CACNA1E: variants seen among roughly 807,000 people sequenced by gnomAD.
The protein encoded by CACNA1E is voltage-dependent R-type calcium channel subunit alpha-1E.
CACNA1E carries 40 observed loss-of-function variants against 259.2 expected under a neutral mutation model. The observed-to-expected ratio is 0.15, with a 90% CI of 0.12 to 0.20. The LOEUF (loss-of-function observed/expected upper bound fraction) is 0.20, where lower values mean the gene tolerates loss of function less well. Among genes scored for constraint, CACNA1E ranks in the 10% least tolerant of loss-of-function variants. The pLI is 1.00. For synonymous variants in CACNA1E, 1,104 were observed against 1,138.5 expected, an observed-to-expected ratio of 0.97 and a Z score of 0.61; for missense variants, 1,874 against 3,040.1, an observed-to-expected ratio of 0.62 and a Z score of 9.02.
chr1:181,762,984 G>C (rs1430377575), intron 33 of CACNA1E, among the ~76,000 whole-genome samples: 1 of 152,194 alleles, frequency 6.6e-6, no homozygotes, highest in Non-Finnish European at 1.5e-5. Context: ...TGCCCTCAAA[G>C]TTCACAGACC....
At chr1:181,610,296 C>G (rs897779373) in intron 6 of CACNA1E, among the ~76,000 whole-genome samples, 2 of 152,160 alleles carry the variant, frequency 1.3e-5, no homozygotes, top group Non-Finnish European at 2.9e-5. Context: ...ATTCCCATCC[C>G]AATAATAAAC....
intron 8 of CACNA1E, among the ~76,000 whole-genome samples, chr1:181,714,479 C>T (rs12737522): frequency 0.013 from 2,016 of 152,158 alleles, 17 homozygotes; most frequent in Non-Finnish European, 0.018. Context: ...TAGGCATGCT[C>T]GATTAAACCA....
intron 2 of CACNA1E, among the ~76,000 whole-genome samples, chr1:181,422,424 G>A (rs994231156): frequency 3.9e-5 from 6 of 152,304 alleles, no homozygotes; most frequent in Admixed American, 6.5e-5. Flanking sequence ...CATACCAAAC[G>A]GTCTAGTCCA....
At chr1:181,721,942 G>T (rs1558306500) in intron 16 of CACNA1E, 67 bp downstream of exon 16, 2 of 1,000,304 alleles carry the variant, frequency 2.0e-6, no homozygotes, top group South Asian at 2.6e-5. Context: ...AGGAGGCATT[G>T]GTGGTGGTGG....
chr1:181,360,395 A>G (rs980243678), intron 1 of CACNA1E, among the ~76,000 whole-genome samples: 4 of 152,260 alleles, frequency 2.6e-5, no homozygotes, highest in East Asian at 1.9e-4. Flanking sequence ...TCATATCCAT[A>G]CAAAGAATTT....
intron 6 of CACNA1E, among the ~76,000 whole-genome samples, chr1:181,590,802 A>G (rs1231510719): frequency 7.6e-6 from 1 of 130,816 alleles, no homozygotes; most frequent in African/African-American, 2.8e-5. Flanking sequence ...TCCCCAAGCC[A>G]TGGCCTTCAC....
At chr1:181,397,738 C>G (rs532780683) in intron 1 of CACNA1E, among the ~76,000 whole-genome samples, 2 of 152,218 alleles carry the variant, frequency 1.3e-5, no homozygotes, top group African/African-American at 4.8e-5. Context: ...CCCCTCATCC[C>G]GTCTTGTCCT....
At chr1:181,350,706 C>T (rs999070597) in intron 1 of CACNA1E, among the ~76,000 whole-genome samples, 3 of 152,120 alleles carry the variant, frequency 2.0e-5, no homozygotes, top group Non-Finnish European at 4.4e-5. Flanking sequence ...TCAACAGAGT[C>T]GTGGCCCCAT....
intron 1 of CACNA1E, among the ~76,000 whole-genome samples, chr1:181,383,144 G>A (rs1210219632): frequency 6.6e-6 from 1 of 152,152 alleles, no homozygotes; most frequent in Non-Finnish European, 1.5e-5. Flanking sequence ...TCATTCCTTT[G>A]AACTTCCCCA....
chr1:181,533,143 C>T (rs147151228), intron 3 of CACNA1E, among the ~76,000 whole-genome samples: 199 of 151,912 alleles, frequency 1.3e-3, no homozygotes, highest in Non-Finnish European at 2.6e-3. Flanking sequence ...GGAATCGAGA[C>T]AGAGACAGGA....
At chr1:181,587,451 T>C (rs1212015059) in intron 6 of CACNA1E, among the ~76,000 whole-genome samples, 1 of 152,134 alleles carries the variant, frequency 6.6e-6, no homozygotes, top group Admixed American at 6.5e-5. Flanking sequence ...GTTTTGCCAG[T>C]TGAGCACAAT....
At chr1:181,323,210 C>T (rs1650506518) in intron 1 of CACNA1E, among the ~76,000 whole-genome samples, 1 of 152,096 alleles carries the variant, frequency 6.6e-6, no homozygotes, top group Non-Finnish European at 1.5e-5. Flanking sequence ...GTGCTTTTTC[C>T]AGAAGGAATG....
At chr1:181,593,359 T>C (rs1232100133) in intron 6 of CACNA1E, among the ~76,000 whole-genome samples, 1 of 152,228 alleles carries the variant, frequency 6.6e-6, no homozygotes, top group Non-Finnish European at 1.5e-5. Flanking sequence ...TTCTGTGTTG[T>C]GAGCGTGCTC....
chr1:181,791,169 A>G (rs1005525739), intron 44 of CACNA1E, among the ~76,000 whole-genome samples: 7 of 152,240 alleles, frequency 4.6e-5, no homozygotes, highest in East Asian at 1.9e-4. Context: ...TGAGTTTATT[A>G]GCATAAATGG....
intron 3 of CACNA1E, among the ~76,000 whole-genome samples, chr1:181,513,072 TAA>T (rs1252081350): frequency 1.3e-5 from 2 of 152,218 alleles, no homozygotes; most frequent in South Asian, 4.1e-4. Flanking sequence ...GTGTATATAA[TAA>T]GTTTGTGTAA....
intron 7 of CACNA1E, among the ~76,000 whole-genome samples, chr1:181,682,602 A>G (rs1650088470): frequency 1.3e-5 from 2 of 152,194 alleles, no homozygotes; most frequent in Non-Finnish European, 2.9e-5. Context: ...TGTAGAAAAG[A>G]GGTTTAATTG....
intron 7 of CACNA1E, among the ~76,000 whole-genome samples, chr1:181,685,442 T>A (rs1392639428): frequency 6.6e-6 from 1 of 152,118 alleles, no homozygotes; most frequent in Non-Finnish European, 1.5e-5. Context: ...CCAGTAACAG[T>A]TTCATTGCAC....
At chr1:181,574,213 G>C (rs2102951128) in intron 3 of CACNA1E, among the ~76,000 whole-genome samples, 1 of 152,236 alleles carries the variant, frequency 6.6e-6, no homozygotes. Flanking sequence ...CGGGTTGATA[G>C]GTGCAGCAAA....
At chr1:181,630,129 G>A (rs1171599530) in intron 6 of CACNA1E, among the ~76,000 whole-genome samples, 1 of 152,014 alleles carries the variant, frequency 6.6e-6, no homozygotes, top group Non-Finnish European at 1.5e-5. Context: ...TGGGGGGAGG[G>A]TGGGGGCAAG....
Sources: allele counts gnomAD v4.1 joint callset (sites outside exome capture counted in the v4.1 genomes callset), GRCh38; gene constraint gnomAD v4.1.1; transcripts MANE v1.5; gene names NCBI Gene and HGNC (gene_info 2026-07-23, HGNC 2026-07-21).